MAGI1: variants seen among roughly 807,000 people sequenced by gnomAD.
MAGI1 encodes membrane associated guanylate kinase, WW and PDZ domain containing 1.
MAGI1 carries 58 observed loss-of-function variants against 139.9 expected under a neutral mutation model. The ratio of observed to expected loss-of-function variants is 0.41; its 90% confidence interval spans 0.34 to 0.52. MAGI1 has a LOEUF of 0.52. Among genes scored for constraint, MAGI1 ranks in the 20% least tolerant of loss-of-function variants. The pLI is 0.12. For missense variants in MAGI1, 1,874 were observed against 1,901.6 expected, an observed-to-expected ratio of 0.99 and a Z score of 0.27; for synonymous variants, 812 against 737.9, an observed-to-expected ratio of 1.10 and a Z score of -1.63.
At chr3:66,000,073 C>T (rs554747864) in intron 1 of MAGI1, among the ~76,000 whole-genome samples, 14 of 150,964 alleles carry the variant, frequency 9.3e-5, no homozygotes, top group African/African-American at 1.7e-4. Context: ...CCCGGGTCCA[C>T]GCCATTCTCC....
At chr3:65,707,689 CAAAAA>C (rs57489811) in intron 1 of MAGI1, among the ~76,000 whole-genome samples, 2 of 88,144 alleles carry the variant, frequency 2.3e-5, no homozygotes, top group Non-Finnish European at 2.2e-5. Flanking sequence ...TACCCTATCT[CAAAAA>C]AAAAAAAAAA....
At chr3:65,473,047 A>G (rs1301584627) in intron 4 of MAGI1, among the ~76,000 whole-genome samples, 2 of 152,148 alleles carry the variant, frequency 1.3e-5, no homozygotes. Flanking sequence ...GGGGACAAAA[A>G]CAATCTCTAC....
intron 2 of MAGI1, among the ~76,000 whole-genome samples, chr3:65,612,168 A>G (rs1182082793): frequency 6.6e-6 from 1 of 152,096 alleles, no homozygotes; most frequent in East Asian, 1.9e-4. Context: ...CCTTTCTCCC[A>G]AACTATAATT....
intron 2 of MAGI1, among the ~76,000 whole-genome samples, chr3:65,527,890 G>C (rs2078463002): frequency 6.7e-6 from 1 of 150,040 alleles, no homozygotes. Flanking sequence ...CTGGGCAATA[G>C]AGCAAGACTC....
At chr3:65,876,712 T>C (rs2060130539) in intron 1 of MAGI1, among the ~76,000 whole-genome samples, 1 of 152,026 alleles carries the variant, frequency 6.6e-6, no homozygotes, top group Non-Finnish European at 1.5e-5. Flanking sequence ...TAAAGTACTT[T>C]TGAATTTCTT....
intron 1 of MAGI1, among the ~76,000 whole-genome samples, chr3:65,831,380 AGGCTGAAACCC>A (rs1262007006): frequency 1.3e-5 from 2 of 152,238 alleles, no homozygotes; most frequent in African/African-American, 2.4e-5. Flanking sequence ...AAACAAGTAC[AGGCTGAAACCC>A]AAAGCTAGTG....
intron 1 of MAGI1, among the ~76,000 whole-genome samples, chr3:65,648,320 C>CAT (rs2085392311): frequency 8.7e-6 from 1 of 115,414 alleles, no homozygotes; most frequent in Non-Finnish European, 1.8e-5. Flanking sequence ...TGTGTGTGCG[C>CAT]GTGCGCGTGC....
chr3:65,703,216 T>A (rs1268373714), intron 1 of MAGI1, among the ~76,000 whole-genome samples: 1 of 152,156 alleles, frequency 6.6e-6, no homozygotes, highest in Non-Finnish European at 1.5e-5. Context: ...GATGAGCAAA[T>A]CTGACAACTG....
intron 5 of MAGI1, among the ~76,000 whole-genome samples, chr3:65,457,075 T>C (rs1424178518): frequency 2.0e-5 from 3 of 152,204 alleles, no homozygotes; most frequent in Non-Finnish European, 4.4e-5. Flanking sequence ...CTTGTCTGTA[T>C]CTACAAAAAG....
intron 1 of MAGI1, among the ~76,000 whole-genome samples, chr3:65,974,589 T>G (rs2065175282): frequency 6.6e-6 from 1 of 152,162 alleles, no homozygotes; most frequent in South Asian, 2.1e-4. Context: ...GCTGGGTGGT[T>G]CTGGCTCAAC....
At chr3:65,459,316 GT>G (rs201420084) in intron 5 of MAGI1, among the ~76,000 whole-genome samples, 1 of 152,108 alleles carries the variant, frequency 6.6e-6, no homozygotes, top group Non-Finnish European at 1.5e-5. Flanking sequence ...TTTTAGAATT[GT>G]TTTTTATATT....
intron 1 of MAGI1, chr3:65,844,072 A>C (rs775506444): frequency 6.4e-6 from 3 of 465,674 alleles, no homozygotes; most frequent in Non-Finnish European, 1.3e-5. Flanking sequence ...TGCCATTCCA[A>C]AGCTACAACA....
chr3:65,869,669 G>A (rs2059869164), intron 1 of MAGI1, among the ~76,000 whole-genome samples: 1 of 152,014 alleles, frequency 6.6e-6, no homozygotes, highest in South Asian at 2.1e-4. Flanking sequence ...CAAAGTGCTG[G>A]AATTACAGGA....
chr3:65,827,847 T>A (rs576069717), intron 1 of MAGI1, among the ~76,000 whole-genome samples: 42 of 152,318 alleles, frequency 2.8e-4, no homozygotes, highest in Non-Finnish European at 5.6e-4. Context: ...TTAAGTTATT[T>A]TCCCATTATA....
chr3:65,857,130 A>C (rs2059400394), intron 1 of MAGI1, among the ~76,000 whole-genome samples: 2 of 152,216 alleles, frequency 1.3e-5, no homozygotes, highest in African/African-American at 4.8e-5. Flanking sequence ...TCTCAATAGC[A>C]GTTGGCCTTT....
chr3:66,037,974 C>G (rs200122656), intron 1 of MAGI1, 22 bp downstream of exon 1: 1 of 1,529,166 alleles, frequency 6.5e-7, no homozygotes. Context: ...GGGGCGCCCC[C>G]CAAAGGCGCG....
At chr3:65,985,157 G>C (rs748988620) in intron 1 of MAGI1, among the ~76,000 whole-genome samples, 5 of 152,148 alleles carry the variant, frequency 3.3e-5, no homozygotes, top group Non-Finnish European at 5.9e-5. Context: ...ACTTTACCCT[G>C]ACCATGTGAC....
chr3:65,487,511 A>C (rs1951704996), intron 3 of MAGI1, among the ~76,000 whole-genome samples: 1 of 152,204 alleles, frequency 6.6e-6, no homozygotes, highest in African/African-American at 2.4e-5. Flanking sequence ...GAAGTATCTT[A>C]AAGCAAGCTC....
chr3:65,806,675 T>C (rs1428937066), intron 1 of MAGI1, among the ~76,000 whole-genome samples: 1 of 152,202 alleles, frequency 6.6e-6, no homozygotes, highest in East Asian at 1.9e-4. Flanking sequence ...TGCTGGAGTT[T>C]TTATCAATAT....
Sources: allele counts gnomAD v4.1 joint callset (sites outside exome capture counted in the v4.1 genomes callset), GRCh38; gene constraint gnomAD v4.1.1; transcripts MANE v1.5; gene names NCBI Gene and HGNC (gene_info 2026-07-23, HGNC 2026-07-21).